BPGM: variants seen among roughly 807,000 people sequenced by gnomAD.
BPGM encodes the protein 2,3-bisphosphoglycerate mutase, erythrocyte.
BPGM carries 15 observed loss-of-function variants against 21.6 expected under a neutral mutation model. That is an observed-to-expected ratio of 0.70 (90% CI 0.47 to 1.07). The LOEUF (loss-of-function observed/expected upper bound fraction) is 1.07, where lower values mean the gene tolerates loss of function less well. Ranked by LOEUF, BPGM falls within the 50% of genes least tolerant of loss-of-function variation. The probability of loss-of-function intolerance (pLI) is 0.00; values close to 1 mark genes in which losing one functional copy is unlikely to be tolerated. For missense variants in BPGM, 273 were observed against 319.0 expected, an observed-to-expected ratio of 0.86 and a Z score of 1.10; for synonymous variants, 113 against 116.2, an observed-to-expected ratio of 0.97 and a Z score of 0.18.
intron 2 of BPGM, among the ~76,000 whole-genome samples, chr7:134,663,969 G>A (rs1231939626): frequency 6.6e-6 from 1 of 152,146 alleles, no homozygotes; most frequent in Non-Finnish European, 1.5e-5. Flanking sequence ...ACCATGGTGG[G>A]GGCAAAGAGA....
chr7:134,651,262 C>T (rs187008080), intron 1 of BPGM, among the ~76,000 whole-genome samples: 7 of 152,176 alleles, frequency 4.6e-5, no homozygotes, highest in African/African-American at 1.4e-4. Context: ...CTTGCTTAAA[C>T]GTTGGAAATA....
At position 134,671,957 on chromosome 7, in the gene BPGM, G is replaced by C. The variant is rs190914365; in HGVS notation, c.602-6896G>C. ...ATTTGCACAAGCACCTCTACCAGGAGGTGCTTTAGTAGATGTACAGTGTAC... is the reference window on the plus strand; with the variant it reads ...ATTTGCACAAGCACCTCTACCAGGACGTGCTTTAGTAGATGTACAGTGTAC... On this transcript the variant is annotated intron_variant, in intron 2 of 2. Coordinates refer to ENST00000344924, the MANE Select transcript of BPGM (RefSeq NM_001724.5). Among the ~76,000 whole-genome samples the C allele has an allele frequency of 2.6e-5, 4 of 152,238 alleles. No homozygotes were observed. In the East Asian group the frequency reaches 5.8e-4, roughly 22 times the overall value.
chr7:134,676,149 T>C (rs1795980603), intron 2 of BPGM, among the ~76,000 whole-genome samples: 1 of 152,208 alleles, frequency 6.6e-6, no homozygotes, highest in African/African-American at 2.4e-5. Flanking sequence ...CTTTCCAATC[T>C]GGGTGCCTTT....
At chr7:134,676,034 C>T (rs960619020) in intron 2 of BPGM, among the ~76,000 whole-genome samples, 1 of 152,074 alleles carries the variant, frequency 6.6e-6, no homozygotes, top group Non-Finnish European at 1.5e-5. Context: ...ACCCAATTTC[C>T]TTTTCTGTAT....
intron 2 of BPGM, 144 bp downstream of exon 2, chr7:134,662,252 C>G: frequency 8.2e-7 from 1 of 1,225,902 alleles, no homozygotes; most frequent in Admixed American, 2.0e-5. Flanking sequence ...TTGTCTTGTT[C>G]TATAAATCAG....
At chr7:134,678,007 A>AAATGAGT (rs1253470045) in intron 2 of BPGM, among the ~76,000 whole-genome samples, 1 of 152,216 alleles carries the variant, frequency 6.6e-6, no homozygotes, top group Non-Finnish European at 1.5e-5. Flanking sequence ...AATGATGATT[A>AAATGAGT]AATGAGTTAA....
chr7:134,679,588 T>C lies in BPGM; in HGVS notation c.*557T>C, dbSNP rs1796034433. ...AGAAAGCCAACAACCACCACCACAATGACAGAAATGACAACAAGGCCCTTT... is the reference window on the plus strand; with the variant it reads ...AGAAAGCCAACAACCACCACCACAACGACAGAAATGACAACAAGGCCCTTT... On this transcript the variant is annotated 3_prime_UTR_variant, in exon 3 of 3. Coordinates refer to ENST00000344924, the MANE Select transcript of BPGM (RefSeq NM_001724.5). 6.5e-6 allele frequency: 1 copy of C among 153,204 alleles called. No homozygotes were observed. The highest frequency in any genetic ancestry group is 6.5e-5 in the Admixed American group (1 of 15,472). 9.5% of individuals were successfully genotyped at this position (153,204 alleles called of 1,614,324 possible).
At chr7:134,651,911 C>T (rs1795560517) in intron 1 of BPGM, among the ~76,000 whole-genome samples, 1 of 152,200 alleles carries the variant, frequency 6.6e-6, no homozygotes, top group African/African-American at 2.4e-5. Context: ...AAGTGTGAGG[C>T]ACTATGGGAT....
chr7:134,648,270 G>A (rs1309726890), intron 1 of BPGM, among the ~76,000 whole-genome samples: 1 of 151,458 alleles, frequency 6.6e-6, no homozygotes, highest in Non-Finnish European at 1.5e-5. Flanking sequence ...CGAGTAGCTG[G>A]GATTACAGGC....
chr7:134,658,092 T>C (rs1795668917), intron 1 of BPGM, among the ~76,000 whole-genome samples: 2 of 152,100 alleles, frequency 1.3e-5, no homozygotes, highest in South Asian at 2.1e-4. Context: ...CAGATAAAAA[T>C]ACACGTTTTC....
At position 134,673,583 on chromosome 7, in the gene BPGM, A is replaced by C. The variant is rs143292617; in HGVS notation, c.602-5270A>C. On this transcript the variant is annotated intron_variant, in intron 2 of 2. Transcript: ENST00000344924. Reference sequence around the variant, plus strand: ...GGAACTCGTTTCTAAAGTCACAGACAACAACCCCTAAACATGGCCCATCAT... The same window carrying C: ...GGAACTCGTTTCTAAAGTCACAGACCACAACCCCTAAACATGGCCCATCAT... Among the ~76,000 whole-genome samples, 1,317 of 152,354 alleles carry C rather than the reference A, an allele frequency of 8.6e-3. 11 individuals carry two copies. Among genetic ancestry groups the C allele is most frequent in the African/African-American group, 0.03 (1,234 of 41,578 alleles).
chr7:134,671,445 T>C (rs1168707255), intron 2 of BPGM, among the ~76,000 whole-genome samples: 1 of 150,452 alleles, frequency 6.6e-6, no homozygotes, highest in African/African-American at 2.5e-5. Context: ...CACTGCAAGC[T>C]CCACCTCCCA....
chr7:134,648,141 T>TC, intron 1 of BPGM, among the ~76,000 whole-genome samples: 1 of 149,700 alleles, frequency 6.7e-6, no homozygotes, highest in East Asian at 2.0e-4. Context: ...GGTTTTTTTT[T>TC]TGTTTTGTTT....
chr7:134,666,020 G>C (rs887990024), intron 2 of BPGM, among the ~76,000 whole-genome samples: 3 of 151,912 alleles, frequency 2.0e-5, no homozygotes, highest in Non-Finnish European at 2.9e-5. Flanking sequence ...TAGGATTATA[G>C]GTGTGTACCA....
At chr7:134,650,222 TAGGA>T (rs1795534740) in intron 1 of BPGM, among the ~76,000 whole-genome samples, 1 of 152,152 alleles carries the variant, frequency 6.6e-6, no homozygotes, top group Non-Finnish European at 1.5e-5. Context: ...TGACCAGAGA[TAGGA>T]AGGAGGGGTC....
rs79930222 is a variant in BPGM at position 134,672,414 on chromosome 7, T to A, written c.602-6439T>A. On this transcript the variant is annotated intron_variant, in intron 2 of 2. Transcript: ENST00000344924. ...CCACCCTACTGTAGAACACAGTGCC[T>A]TGCCCATTGCAAGAATTTAGTGAAT... 8.7e-3 allele frequency among the ~76,000 whole-genome samples: 1,320 copies of A among 152,262 alleles called. 12 individuals are homozygous for A. The highest frequency in any genetic ancestry group is 0.03 in the African/African-American group (1,236 of 41,558).
rs1038973044 is a variant in BPGM, at chr7:134,661,835, G to A, written c.328G>A (p.Glu110Lys). 6 of 1,609,176 alleles carry A rather than the reference G, an allele frequency of 3.7e-6. No homozygotes were observed. The highest frequency in any genetic ancestry group is 3.4e-5 in the Admixed American group (2 of 59,546). Reference protein sequence around the residue: ...REQMALNHGEEQVRLWRRSYN... With the variant: ...REQMALNHGEKQVRLWRRSYN... ...GCAGATGGCTTTGAATCATGGTGAA[G>A]AACAAGTGAGGCTCTGGAGAAGAAG... The change falls in exon 2 of 3, where the codon GAA becomes AAA. Residue 110 changes from glutamate to lysine, a missense_variant. Glu to Lys is a moderately conservative substitution (Grantham distance 56). Transcript: ENST00000344924. This position sits in a 1 kb window ranked among gnomAD's most constrained non-coding sequence, Gnocchi z 4.6.
At chr7:134,673,797 AGG>A (rs1207475998) in intron 2 of BPGM, among the ~76,000 whole-genome samples, 3 of 152,030 alleles carry the variant, frequency 2.0e-5, no homozygotes, top group Non-Finnish European at 4.4e-5. Context: ...TCACCTGACC[AGG>A]GTTTAAATCC....
At chr7:134,663,385 T>TG (rs3839672) in intron 2 of BPGM, among the ~76,000 whole-genome samples, 19 of 152,058 alleles carry the variant, frequency 1.2e-4, no homozygotes, top group African/African-American at 3.1e-4. Context: ...TGTGTGTGTG[T>TG]TTGTGTGTGT....
Sources: allele counts gnomAD v4.1 joint callset (sites outside exome capture counted in the v4.1 genomes callset), GRCh38; gene constraint gnomAD v4.1.1; non-coding constraint Gnocchi (gnomAD v3.1); transcripts MANE v1.5; gene names NCBI Gene and HGNC (gene_info 2026-07-23, HGNC 2026-07-21).